Variants in HHAT observed in about 807,000 individuals in gnomAD.
The protein encoded by HHAT is hedgehog acyltransferase, also known as protein-cysteine N-palmitoyltransferase HHAT.
In HHAT, 47 loss-of-function variants were observed where a neutral mutation model predicts 70.8. That is an observed-to-expected ratio of 0.66 (90% CI 0.53 to 0.85). The LOEUF (loss-of-function observed/expected upper bound fraction) is 0.85. HHAT is among the 40% of genes least tolerant of loss of function. The pLI is 0.00. For synonymous variants in HHAT, 228 were observed against 247.6 expected (o/e 0.92, Z 0.74); for missense variants, 609 against 604.8 (o/e 1.01, Z -0.07).
At position 210,516,080 on chromosome 1, in the gene HHAT, G is replaced by A. The variant is rs202002200; in HGVS notation, c.1043+2892G>A. Among the ~76,000 whole-genome samples, 22 of 143,544 alleles carry A rather than the reference G, an allele frequency of 1.5e-4. No homozygotes were observed. The East Asian group carries it at 2.8e-3, about 18-fold the overall frequency. The allele number at this position is 143,544 out of a possible 152,430, so 94.2% of individuals were successfully genotyped here. ...GTAAGACTCTGTCTCAAAAGAAAAA[G>A]AAAAAAAAAGGTATTTTCTGCCCCC... On this transcript the variant is annotated intron_variant, in intron 9 of 11. Coordinates refer to ENST00000261458, the MANE Select transcript of HHAT (RefSeq NM_018194.6).
At position 210,387,136 on chromosome 1, in the gene HHAT, G is replaced by A. The variant is rs546272120; in HGVS notation, c.160-332G>A. Among the ~76,000 whole-genome samples, 53 of 152,210 alleles carry A rather than the reference G, an allele frequency of 3.5e-4. 1 individual carries two copies. Among genetic ancestry groups the A allele is most frequent in the African/African-American group, 1.3e-3 (52 of 41,518 alleles). ...GTCTCTGTTTCATGTTTTGCAAAAT[G>A]GAAATAATAATAGCATCTATACTAC... On this transcript the variant is annotated intron_variant, in intron 3 of 11. Coordinates refer to ENST00000261458, the MANE Select transcript of HHAT (RefSeq NM_018194.6).
intron 9 of HHAT, among the ~76,000 whole-genome samples, chr1:210,534,690 T>C (rs1164327576): frequency 1.3e-5 from 2 of 152,160 alleles, no homozygotes; most frequent in African/African-American, 2.4e-5. Flanking sequence ...CACGAAACAG[T>C]GTTGACTGCA....
intron 7 of HHAT, among the ~76,000 whole-genome samples, chr1:210,420,683 AAAAC>A (rs548209785): frequency 3.3e-5 from 5 of 151,056 alleles, no homozygotes; most frequent in Admixed American, 6.6e-5. Context: ...AACAAAAAAA[AAAAC>A]AAAGAAATAC....
chr1:210,413,094 G>A (rs2092613865), intron 6 of HHAT, among the ~76,000 whole-genome samples: 1 of 152,220 alleles, frequency 6.6e-6, no homozygotes, highest in Admixed American at 6.5e-5. Context: ...GATGGTGGCA[G>A]CAGAGAGGGT....
chr1:210,535,665 TTGTG>T (rs994925933), intron 9 of HHAT, among the ~76,000 whole-genome samples: 1 of 151,490 alleles, frequency 6.6e-6, no homozygotes, highest in African/African-American at 2.4e-5. Flanking sequence ...TGGTGTGTGT[TTGTG>T]TGTGTGTGCA....
intron 9 of HHAT, among the ~76,000 whole-genome samples, chr1:210,578,528 C>T (rs777272884): frequency 1.3e-5 from 2 of 152,154 alleles, no homozygotes. Flanking sequence ...TTTCCATATT[C>T]ATTTCAGCAT....
chr1:210,666,232 A>G (rs934776189), intron 11 of HHAT, among the ~76,000 whole-genome samples: 2 of 152,242 alleles, frequency 1.3e-5, no homozygotes, highest in African/African-American at 4.8e-5. Context: ...CAGCAACTCA[A>G]TTAACTCATC....
rs12062100 is a variant in HHAT at position 210,451,885 on chromosome 1, G to C, written c.857-12620G>C. On this transcript the variant is annotated intron_variant, in intron 7 of 11. Coordinates refer to ENST00000261458, the MANE Select transcript of HHAT (RefSeq NM_018194.6). ...AAAATGGGAAAAGAAAGTAGGGTAT[G>C]GAACTTGTAACCTAGATCTCTAAAA... 7.8e-3 allele frequency among the ~76,000 whole-genome samples: 1,190 copies of C among 152,286 alleles called. 17 individuals carry two copies. Among genetic ancestry groups the C allele is most frequent in the African/African-American group, 0.026 (1,089 of 41,550 alleles).
At chr1:210,433,354 C>G (rs911964339) in intron 7 of HHAT, among the ~76,000 whole-genome samples, 4 of 151,784 alleles carry the variant, frequency 2.6e-5, no homozygotes, top group African/African-American at 9.7e-5. Context: ...AGCCAGATAT[C>G]CAGATGAGTG....
At chr1:210,466,280 TG>T (rs1261467059) in intron 8 of HHAT, among the ~76,000 whole-genome samples, 1 of 152,264 alleles carries the variant, frequency 6.6e-6, no homozygotes, top group Non-Finnish European at 1.5e-5. Context: ...CAAGGAATGT[TG>T]AGTAGTTACT....
At chr1:210,445,546 A>G (rs1558530075) in intron 7 of HHAT, among the ~76,000 whole-genome samples, 2 of 152,238 alleles carry the variant, frequency 1.3e-5, no homozygotes, top group Admixed American at 6.5e-5. Flanking sequence ...CTCATTATAA[A>G]TAAGGCTTTA....
intron 10 of HHAT, among the ~76,000 whole-genome samples, chr1:210,617,549 G>C (rs984632486): frequency 6.6e-6 from 1 of 152,168 alleles, no homozygotes; most frequent in Non-Finnish European, 1.5e-5. Context: ...CTTTTAGCAG[G>C]AACCCAGGCA....
chr1:210,336,012 T>C (rs1263804536), intron 1 of HHAT, among the ~76,000 whole-genome samples: 1 of 152,206 alleles, frequency 6.6e-6, no homozygotes, highest in Non-Finnish European at 1.5e-5. Flanking sequence ...ATTCCATTGA[T>C]GTAAAGTTCA....
In HHAT at chr1:210,464,564, G is replaced by A. The variant is rs779948186; in HGVS notation, c.916G>A (p.Val306Met). ...FYVKYLVLFG[V>M]PALLMRLDGL... ...CGTGAAGTACTTGGTGCTCTTTGGC[G>A]TGCCTGCTCTGCTCATGCGCCTGGA... is the stretch of plus-strand genomic sequence containing the variant. The change falls in exon 8 of 12, where the codon GTG becomes ATG. Residue 306 changes from valine to methionine, a missense_variant. Coordinates refer to ENST00000261458, the MANE Select transcript of HHAT (RefSeq NM_018194.6). 4.3e-5 allele frequency: 70 copies of A among 1,613,990 alleles called. No homozygotes were observed. The highest frequency in any genetic ancestry group is 5.6e-5 in the Non-Finnish European group (66 of 1,180,012).
chr1:210,355,056 T>A (rs1220782418), intron 2 of HHAT, among the ~76,000 whole-genome samples: 1 of 152,194 alleles, frequency 6.6e-6, no homozygotes, highest in African/African-American at 2.4e-5. Context: ...AAACTTAAGA[T>A]TATTTCTGAG....
intron 7 of HHAT, among the ~76,000 whole-genome samples, chr1:210,429,679 C>T (rs543454017): frequency 1.3e-5 from 2 of 151,708 alleles, no homozygotes; most frequent in East Asian, 3.9e-4. Flanking sequence ...CAGGTGGTCC[C>T]CCCTGTTTGC....
chr1:210,413,239 C>A (rs913608552), intron 6 of HHAT, among the ~76,000 whole-genome samples: 2 of 152,192 alleles, frequency 1.3e-5, no homozygotes, highest in African/African-American at 4.8e-5. Context: ...ATCTTTCCAG[C>A]CTTTCATTAT....
rs185295327 is a variant in HHAT, at chr1:210,626,904, G to A, written c.1390+3234G>A. On this transcript the variant is annotated intron_variant, in intron 11 of 11. Coordinates refer to ENST00000261458, the MANE Select transcript of HHAT (RefSeq NM_018194.6). ...ACTGTATATGGAGTTGTTGACAAAT[G>A]TGCACCTTTGACAGCCTTGTAGTCT... is the stretch of plus-strand genomic sequence containing the variant. Among the ~76,000 whole-genome samples, 81 of 152,294 alleles carry A rather than the reference G, an allele frequency of 5.3e-4. 1 individual carries two copies. Among genetic ancestry groups the A allele is most frequent in the Middle Eastern group, 3.4e-3 (1 of 294 alleles).
At chr1:210,617,542 T>C (rs950411342) in intron 10 of HHAT, among the ~76,000 whole-genome samples, 7 of 152,174 alleles carry the variant, frequency 4.6e-5, no homozygotes, top group African/African-American at 1.7e-4. Context: ...TCTGGAACTT[T>C]TAGCAGGAAC....
Sources: gnomAD v4.1 joint callset for allele counts (sites outside exome capture counted in the v4.1 genomes callset) on GRCh38, gnomAD v4.1.1 for gene constraint, MANE v1.5 for transcripts, NCBI Gene and HGNC (gene_info 2026-07-23, HGNC 2026-07-21) for gene names.